Variants in IMMP2L observed in about 807,000 individuals in gnomAD.
IMMP2L encodes mitochondrial inner membrane protease subunit 2.
A neutral mutation model predicts 19.3 loss-of-function variants in IMMP2L; 18 were observed. The observed-to-expected ratio is 0.93, with a 90% CI of 0.64 to 1.38. IMMP2L has a LOEUF of 1.38. Among genes scored for constraint, IMMP2L ranks in the 40% most tolerant of loss-of-function variants. The pLI is 0.00. For synonymous variants in IMMP2L, 76 were observed against 73.0 expected, an observed-to-expected ratio of 1.04 and a Z score of -0.21; for missense variants, 233 against 218.2, an observed-to-expected ratio of 1.07 and a Z score of -0.43.
chr7:111,026,574 C>T (rs114237838), intron 3 of IMMP2L, among the ~76,000 whole-genome samples: 4 of 151,992 alleles, frequency 2.6e-5, no homozygotes, highest in Non-Finnish European at 2.9e-5. Flanking sequence ...ATAAATAGCT[C>T]GGAAATTCCA....
chr7:111,420,840 T>A (rs956520788), intron 3 of IMMP2L, among the ~76,000 whole-genome samples: 1 of 151,826 alleles, frequency 6.6e-6, no homozygotes, highest in Non-Finnish European at 1.5e-5. Context: ...AAGTCTTTGC[T>A]ATTGTGAATA....
At chr7:110,832,688 A>C (rs1804079640) in intron 5 of IMMP2L, among the ~76,000 whole-genome samples, 1 of 152,180 alleles carries the variant, frequency 6.6e-6, no homozygotes, top group African/African-American at 2.4e-5. Context: ...GATAATAATA[A>C]AAAGTTTCTT....
At chr7:111,558,834 A>G (rs1376271882) in intron 1 of IMMP2L, among the ~76,000 whole-genome samples, 5 of 152,210 alleles carry the variant, frequency 3.3e-5, no homozygotes, top group Admixed American at 2.0e-4. Flanking sequence ...ATTTATTCCT[A>G]TAAGTACATT....
intron 1 of IMMP2L, among the ~76,000 whole-genome samples, chr7:111,539,132 A>AAGG (rs1554542569): frequency 3.2e-5 from 2 of 61,584 alleles, no homozygotes; most frequent in Admixed American, 3.7e-4. Flanking sequence ...AAAGAAAAGA[A>AAGG]AAGGAAGGAA....
At chr7:111,392,577 A>G (rs1221401375) in intron 3 of IMMP2L, among the ~76,000 whole-genome samples, 1 of 152,082 alleles carries the variant, frequency 6.6e-6, no homozygotes, top group Non-Finnish European at 1.5e-5. Flanking sequence ...ACACCAACCA[A>G]TTCTGACACA....
Position 110,890,118 on chromosome 7 carries a change from T to C in IMMP2L, c.306-3423A>G, listed in dbSNP as rs186296337. On this transcript the variant is annotated intron_variant, in intron 4 of 5. Coordinates refer to ENST00000405709, the MANE Select transcript of IMMP2L (RefSeq NM_032549.4). ...TGAACTACGCTTCAGTAATTTCCTCTCCCTACGGTTGCACTGTGACTATAG... is the reference window on the plus strand; with the variant it reads ...TGAACTACGCTTCAGTAATTTCCTCCCCCTACGGTTGCACTGTGACTATAG... 7.7e-3 allele frequency among the ~76,000 whole-genome samples: 1,166 copies of C among 152,312 alleles called. 10 individuals carry two copies. The highest frequency in any genetic ancestry group is 0.014 in the Non-Finnish European group (970 of 68,014).
Position 111,144,797 on chromosome 7 carries a change from A to G in IMMP2L, c.240-181232T>C, listed in dbSNP as rs10276462. Among the ~76,000 whole-genome samples the G allele has an allele frequency of 9.4e-3, 1,431 of 152,238 alleles. 23 individuals are homozygous for G. The highest frequency in any genetic ancestry group is 0.032 in the African/African-American group (1,327 of 41,532). ...ATTTATGTGCCAGTACTGAGTAAAC[A>G]ATGTCGAGCAACACACAGGCCCTAA... On this transcript the variant is annotated intron_variant, in intron 3 of 5. Transcript: ENST00000405709.
At chr7:110,895,046 A>T (rs1254861181) in intron 4 of IMMP2L, among the ~76,000 whole-genome samples, 5 of 152,190 alleles carry the variant, frequency 3.3e-5, no homozygotes, top group Non-Finnish European at 7.3e-5. Context: ...CAATTTACAA[A>T]AGGAAGAAGT....
At chr7:111,530,136 G>A (rs1174640209) in intron 1 of IMMP2L, among the ~76,000 whole-genome samples, 1 of 152,104 alleles carries the variant, frequency 6.6e-6, no homozygotes, top group Non-Finnish European at 1.5e-5. Flanking sequence ...TCAACAGTGT[G>A]GAAATTACTT....
chr7:110,963,140 G>C, intron 4 of IMMP2L: 2 of 1,447,440 alleles, frequency 1.4e-6, no homozygotes, highest in Non-Finnish European at 9.1e-7. Context: ...TTCTAAAATA[G>C]TTAAATGTTC....
At chr7:111,151,602 A>G (rs927938517) in intron 3 of IMMP2L, among the ~76,000 whole-genome samples, 1 of 152,204 alleles carries the variant, frequency 6.6e-6, no homozygotes, top group African/African-American at 2.4e-5. Flanking sequence ...TGAAAAAACC[A>G]AATGTAAAAA....
intron 4 of IMMP2L, among the ~76,000 whole-genome samples, chr7:110,957,751 G>A (rs572022517): frequency 6.6e-6 from 1 of 152,014 alleles, no homozygotes; most frequent in East Asian, 1.9e-4. Context: ...TCAGAGATTA[G>A]TATGACTCTT....
At chr7:111,126,354 T>C (rs985019384) in intron 3 of IMMP2L, among the ~76,000 whole-genome samples, 16 of 152,168 alleles carry the variant, frequency 1.1e-4, no homozygotes, top group Admixed American at 8.5e-4. Context: ...AGTAGAAGTT[T>C]AACAGGTTCG....
intron 3 of IMMP2L, among the ~76,000 whole-genome samples, chr7:111,340,580 T>G (rs1195552632): frequency 2.0e-5 from 3 of 151,956 alleles, no homozygotes; most frequent in Non-Finnish European, 4.4e-5. Context: ...TATGTACATA[T>G]CCTAGGTCCC....
intron 4 of IMMP2L, among the ~76,000 whole-genome samples, chr7:110,950,137 G>C (rs376523119): frequency 6.6e-6 from 1 of 152,022 alleles, no homozygotes; most frequent in Non-Finnish European, 1.5e-5. Flanking sequence ...TTGATTTTTT[G>C]TGTGGTGTAA....
Position 110,951,563 on chromosome 7 carries a change from ATG to A in IMMP2L, c.305+11935_305+11936del, listed in dbSNP as rs760604719. On this transcript the variant is annotated intron_variant, in intron 4 of 5. Coordinates refer to ENST00000405709, the MANE Select transcript of IMMP2L (RefSeq NM_032549.4). ...GGTGTGTGTGTGTGTGTGTGTGTGT[ATG>A]TGTGTGTGTGTATACATATATATAT... Among the ~76,000 whole-genome samples the A allele has an allele frequency of 5.8e-5, 8 of 137,904 alleles. 1 individual carries two copies. The highest frequency in any genetic ancestry group is 2.2e-4 in the Admixed American group (3 of 13,892). The allele number at this position is 137,904 out of a possible 152,430, so 90.5% of individuals were successfully genotyped here.
chr7:110,890,771 A>T (rs921970563), intron 4 of IMMP2L, among the ~76,000 whole-genome samples: 2 of 152,196 alleles, frequency 1.3e-5, no homozygotes, highest in African/African-American at 4.8e-5. Context: ...CATTTTTAGT[A>T]CTACCTTTAC....
At chr7:111,220,483 T>C (rs1812390785) in intron 3 of IMMP2L, among the ~76,000 whole-genome samples, 1 of 152,050 alleles carries the variant, frequency 6.6e-6, no homozygotes, top group South Asian at 2.1e-4. Context: ...TCAGAAAATT[T>C]ATTATATTAA....
At chr7:110,903,311 G>A (rs1812099020) in intron 4 of IMMP2L, among the ~76,000 whole-genome samples, 1 of 152,144 alleles carries the variant, frequency 6.6e-6, no homozygotes, top group Admixed American at 6.5e-5. Flanking sequence ...ATACATTATT[G>A]TTGAGTATAG....
Sources: gnomAD v4.1 joint callset for allele counts (sites outside exome capture counted in the v4.1 genomes callset) on GRCh38, gnomAD v4.1.1 for gene constraint, MANE v1.5 for transcripts, NCBI Gene and HGNC (gene_info 2026-07-23, HGNC 2026-07-21) for gene names.